CASTOR1: variants seen among roughly 807,000 people sequenced by gnomAD.
CASTOR1 encodes the protein cytosolic arginine sensor for mTORC1 subunit 1.
CASTOR1 carries 18 observed loss-of-function variants against 33.7 expected under a neutral mutation model. The observed-to-expected ratio is 0.53, with a 90% CI of 0.37 to 0.79. The LOEUF is 0.79. Among genes scored for constraint, CASTOR1 ranks in the 30% least tolerant of loss-of-function variants. The probability of loss-of-function intolerance (pLI) is 0.00; values close to 1 mark genes in which losing one functional copy is unlikely to be tolerated. For synonymous variants in CASTOR1, 175 were observed against 190.6 expected, an observed-to-expected ratio of 0.92 and a Z score of 0.67; for missense variants, 362 against 446.3, an observed-to-expected ratio of 0.81 and a Z score of 1.70.
Position 30,286,001 on chromosome 22 carries a change from G to A in CASTOR1, c.826+15C>T, listed in dbSNP as rs376001918. The A allele has an allele frequency of 1.7e-4, 273 of 1,591,270 alleles. 3 individuals are homozygous for A. In the South Asian group the frequency reaches 2.4e-3, roughly 14 times the overall value. ...AGACACTCCCCAGCCCCCCAACACC[G>A]GGAACAGCCCTCACCAAAGCCCAGG... is the stretch of plus-strand genomic sequence containing the variant. On this transcript the variant is annotated intron_variant, in intron 7 of 8. Coordinates refer to ENST00000407689, the MANE Select transcript of CASTOR1 (RefSeq NM_001037666.3).
At chr22:30,286,416 C>G (rs748834448) in intron 5 of CASTOR1, 40 bp from the exon 6 acceptor site, 13 of 1,338,792 alleles carry the variant, frequency 9.7e-6, no homozygotes, top group Admixed American at 6.9e-5. Context: ...TACCAGGCAC[C>G]CAGCCTACTG....
Position 30,286,394 on chromosome 22 carries a change from GT to G in CASTOR1, c.630-19del. 6.5e-7 allele frequency: 1 copy of G among 1,542,366 alleles called. No homozygotes were observed. The highest frequency in any genetic ancestry group is 9.0e-7 in the Non-Finnish European group (1 of 1,115,848). ...TGGGGGTGCTGGGGAGGGATGGGAG[GT>G]TTAGGGGCTCTACCAGGCACCCAGC... On this transcript the variant is annotated intron_variant, in intron 5 of 8. Coordinates refer to ENST00000407689, the MANE Select transcript of CASTOR1 (RefSeq NM_001037666.3).
intron 2 of CASTOR1, 178 bp from the exon 3 acceptor site, chr22:30,287,738 T>C: frequency 2.9e-5 from 21 of 723,012 alleles, no homozygotes; most frequent in South Asian, 2.7e-4. Flanking sequence ...AGTGCTGGCC[T>C]GGTGGCATTG....
At chr22:30,288,605 G>T (rs971240785) in intron 2 of CASTOR1, 101 bp downstream of exon 2, 2 of 1,018,668 alleles carry the variant, frequency 2.0e-6, no homozygotes, top group Non-Finnish European at 3.0e-6. Flanking sequence ...TGCTTTTAAG[G>T]CTTAAGCTCT....
At chr22:30,287,713 C>T in intron 2 of CASTOR1, 153 bp from the exon 3 acceptor site, 1 of 759,748 alleles carries the variant, frequency 1.3e-6, no homozygotes, top group Non-Finnish European at 2.2e-6. Flanking sequence ...TGTGCAAAGA[C>T]TGAGAAAGGC....
rs375882663 is a variant in CASTOR1, at chr22:30,285,406, G to A, written c.*214C>T. ...CGTGTTCCCCTGCATGGGCAGACAC[G>A]CAGTCAGGCTAGCACCTGCCCACTC... On this transcript the variant is annotated 3_prime_UTR_variant, in exon 9 of 9. Transcript: ENST00000407689. 152 of 501,688 alleles carry A rather than the reference G, an allele frequency of 3.0e-4. No homozygotes were observed. Among genetic ancestry groups the A allele is most frequent in the African/African-American group, 7.6e-4 (38 of 49,840 alleles). The allele number at this position is 501,688 out of a possible 1,614,324, so 31.1% of individuals were successfully genotyped here.
rs1281818781 is a variant in CASTOR1 at position 30,289,470 on chromosome 22, C to A, written c.28G>T (p.Val10Leu). Residue 10 changes from valine to leucine, a missense_variant, in exon 1 of 9, where the codon GTG becomes TTG. Physicochemically the swap from Val to Leu is conservative, Grantham distance 32. Transcript: ENST00000407689. ...GGACGGGCGACGCTCAGCACCCGCACCCGGTGTTCTAGGATGTGCAGCTCC... is the reference window on the plus strand; with the variant it reads ...GGACGGGCGACGCTCAGCACCCGCAACCGGTGTTCTAGGATGTGCAGCTCC... Reference protein sequence around the residue: MELHILEHRVRVLSVARPGL... With the variant: MELHILEHRLRVLSVARPGL... 2 of 1,597,628 alleles carry A rather than the reference C, an allele frequency of 1.3e-6. No individual in the cohort carries two copies. The highest frequency in any genetic ancestry group is 1.7e-6 in the Non-Finnish European group (2 of 1,176,198).
chr22:30,286,589 T>C lies in CASTOR1; in HGVS notation c.630-213A>G. The stretch of plus-strand genomic sequence containing the variant: ...CCAGCCTGTGCCAAAAACAAAGGAT[T>C]CCACGGTGAGAGGGCCAGACCAGGG... On this transcript the variant is annotated intron_variant, in intron 5 of 8. Transcript: ENST00000407689. 3 of 671,804 alleles carry C rather than the reference T, an allele frequency of 4.5e-6. No homozygotes were observed. The South Asian group carries it at 5.4e-5, about 12-fold the overall frequency. The allele number at this position is 671,804 out of a possible 1,614,324, so 41.6% of individuals were successfully genotyped here.
Position 30,287,292 on chromosome 22 carries a change from G to A in CASTOR1, c.373-5C>T. 6.4e-7 allele frequency: 1 copy of A among 1,573,382 alleles called. No individual in the cohort carries two copies. Among genetic ancestry groups the A allele is most frequent in the Non-Finnish European group, 8.7e-7 (1 of 1,155,670 alleles). Reference sequence around the variant, plus strand: ...GGACAGGTCCTGCTCCCGCACCTGGGCCACAGCAGATGGCACATCACATGG... The same window carrying A: ...GGACAGGTCCTGCTCCCGCACCTGGACCACAGCAGATGGCACATCACATGG... On this transcript the variant is annotated splice_polypyrimidine_tract_variant and splice_region_variant and intron_variant, in intron 3 of 8. Transcript: ENST00000407689.
intron 2 of CASTOR1, among the ~76,000 whole-genome samples, chr22:30,288,156 G>A (rs945067018): frequency 6.6e-6 from 1 of 152,218 alleles, no homozygotes. Flanking sequence ...CCCAGGGAGG[G>A]CCCAGGCTGG....
At chr22:30,288,881 C>T (rs1209100138) in intron 1 of CASTOR1, 105 bp from the exon 2 acceptor site, 20 of 863,904 alleles carry the variant, frequency 2.3e-5, no homozygotes, top group Non-Finnish European at 2.8e-5. Flanking sequence ...CTGGGCCGGG[C>T]GCCTTCTTGC....
intron 8 of CASTOR1, 53 bp downstream of exon 8, chr22:30,285,779 C>T (rs1439358997): frequency 2.9e-5 from 9 of 308,836 alleles, no homozygotes; most frequent in African/African-American, 8.3e-5. Context: ...TACCTCCTGC[C>T]GCCCACATTT....
chr22:30,285,523 G>A lies in CASTOR1; in HGVS notation c.*97C>T, dbSNP rs1321890264. On this transcript the variant is annotated 3_prime_UTR_variant, in exon 9 of 9. Coordinates refer to ENST00000407689, the MANE Select transcript of CASTOR1 (RefSeq NM_001037666.3). ...CGGAACGAGGGTCCCCAGCAGAACA[G>A]GGGGCTCGTTCCAGAGCTTAAGGAA... 15 of 1,003,400 alleles carry A rather than the reference G, an allele frequency of 1.5e-5. No individual in the cohort carries two copies. Among genetic ancestry groups the A allele is most frequent in the Non-Finnish European group, 2.1e-5 (14 of 673,288 alleles). The allele number at this position is 1,003,400 out of a possible 1,614,324, so 62.2% of individuals were successfully genotyped here.
In CASTOR1 at chr22:30,285,581, G is replaced by A. The variant is rs772408193; in HGVS notation, c.*39C>T. 11 of 1,473,886 alleles carry A rather than the reference G, an allele frequency of 7.5e-6. No homozygotes were observed. Among genetic ancestry groups the A allele is most frequent in the Admixed American group, 6.1e-5 (3 of 49,512 alleles). The allele number at this position is 1,473,886 out of a possible 1,614,324, so 91.3% of individuals were successfully genotyped here. On this transcript the variant is annotated 3_prime_UTR_variant, in exon 9 of 9. Transcript: ENST00000407689. ...AGAGAAGTCTTTGGAAGCCTGGGTC[G>A]AGGGGAGAGCAGGGAGGCTGCTCTG...
At chr22:30,285,992 C>A in intron 7 of CASTOR1, 24 bp downstream of exon 7, 1 of 1,587,120 alleles carries the variant, frequency 6.3e-7, no homozygotes. Context: ...TCCCCAGCCC[C>A]CCAACACCGG....
At chr22:30,288,964 T>TAA (rs1929860714) in intron 1 of CASTOR1, 188 bp from the exon 2 acceptor site, 1 of 568,954 alleles carries the variant, frequency 1.8e-6, no homozygotes, top group Non-Finnish European at 3.1e-6. Flanking sequence ...CTTTCCGGCC[T>TAA]CCCGACCTCT....
In CASTOR1 at chr22:30,286,316, G is replaced by A; in HGVS notation, c.690C>T (p.Phe230=). The change falls in exon 6 of 9, where the codon TTC becomes TTT. Residue 230 remains phenylalanine, a synonymous_variant. Coordinates refer to ENST00000407689, the MANE Select transcript of CASTOR1 (RefSeq NM_001037666.3). ...TGGAGATATAACCCTCGATGAGGGA[G>A]AAGGCAAAGAACGTGATGGAGCTGG... ...PEPSSITFFA[F]SLIEGYISIV... The A allele has an allele frequency of 1.2e-6, 2 of 1,614,144 alleles. No individual in the cohort carries two copies. Among genetic ancestry groups the A allele is most frequent in the Non-Finnish European group, 1.7e-6 (2 of 1,179,998 alleles).
rs1929728609 is a variant in CASTOR1 at position 30,285,429 on chromosome 22, C to A, written c.*191G>T. 1 of 550,058 alleles carries A rather than the reference C, an allele frequency of 1.8e-6. No homozygotes were observed. The highest frequency in any genetic ancestry group is 2.3e-5 in the South Asian group (1 of 43,678). The allele number at this position is 550,058 out of a possible 1,614,324, so 34.1% of individuals were successfully genotyped here. A position where few individuals can be genotyped will look rare whatever the true frequency, so the allele number is the denominator to read the frequency against. On this transcript the variant is annotated 3_prime_UTR_variant, in exon 9 of 9. Transcript: ENST00000407689. ...ACGCAGTCAGGCTAGCACCTGCCCA[C>A]TCCACCTGTGAGTGTACACAGGTGT... is the stretch of plus-strand genomic sequence containing the variant.
Position 30,286,842 on chromosome 22 carries a change from G to A in CASTOR1, c.612C>T (p.Val204=). Residue 204 remains valine (V), a synonymous_variant, in exon 5 of 9, where the codon GTC becomes GTT. Coordinates refer to ENST00000407689, the MANE Select transcript of CASTOR1 (RefSeq NM_001037666.3). ...AGGTCCACCTGTGCGAGTAGAAGAGGACATCTATGAGGGTGGTGGCGATGG... is the reference window on the plus strand; with the variant it reads ...AGGTCCACCTGTGCGAGTAGAAGAGAACATCTATGAGGGTGGTGGCGATGG... The part of the protein sequence containing the change: ...LPAIATTLID[V]LFYSHSTPKE... 6.2e-7 allele frequency: 1 copy of A among 1,614,216 alleles called. No individual in the cohort carries two copies. The highest frequency in any genetic ancestry group is 8.5e-7 in the Non-Finnish European group (1 of 1,180,036).
Sources: gnomAD v4.1 joint callset for allele counts (sites outside exome capture counted in the v4.1 genomes callset) on GRCh38, gnomAD v4.1.1 for gene constraint, MANE v1.5 for transcripts, NCBI Gene and HGNC (gene_info 2026-07-23, HGNC 2026-07-21) for gene names.